The following TBC1D22A variants were observed in gnomAD, a reference collection of about 807,000 sequenced individuals.
TBC1D22A encodes the protein putative GTPase activator.
A neutral mutation model predicts 60.2 loss-of-function variants in TBC1D22A; 38 were observed. The ratio of observed to expected loss-of-function variants is 0.63; its 90% confidence interval spans 0.49 to 0.83. The LOEUF is 0.83. Ranked by LOEUF, TBC1D22A falls within the 40% of genes least tolerant of loss-of-function variation. The pLI is 0.00. For synonymous variants in TBC1D22A, 302 were observed against 281.7 expected (o/e 1.07, Z -0.72); for missense variants, 628 against 701.0 (o/e 0.90, Z 1.18).
intron 7 of TBC1D22A, among the ~76,000 whole-genome samples, chr22:46,907,148 G>A (rs575926020): frequency 5.3e-5 from 8 of 152,032 alleles, no homozygotes; most frequent in South Asian, 2.1e-4. Flanking sequence ...GTGTGTGTGC[G>A]TGTGTTCTTC....
chr22:47,087,758 C>T (rs528921231), intron 11 of TBC1D22A, among the ~76,000 whole-genome samples: 10 of 152,134 alleles, frequency 6.6e-5, no homozygotes, highest in Non-Finnish European at 1.0e-4. Context: ...AGAAGTAAAA[C>T]ACCCATAAGC....
chr22:46,832,514 C>T (rs1433368461), intron 4 of TBC1D22A, among the ~76,000 whole-genome samples: 1 of 151,842 alleles, frequency 6.6e-6, no homozygotes, highest in Non-Finnish European at 1.5e-5. Context: ...GGTGTGGTGG[C>T]GGGCACCTGT....
chr22:47,128,671 G>C (rs953639403), intron 12 of TBC1D22A, among the ~76,000 whole-genome samples: 1 of 152,098 alleles, frequency 6.6e-6, no homozygotes, highest in Admixed American at 6.6e-5. Flanking sequence ...CTCTGTGATG[G>C]ATACCACTTT....
At chr22:46,822,454 G>A (rs2147103133) in intron 4 of TBC1D22A, among the ~76,000 whole-genome samples, 1 of 152,184 alleles carries the variant, frequency 6.6e-6, no homozygotes, top group Admixed American at 6.5e-5. Context: ...TGATGTTGTT[G>A]TCGCTTTCTG....
chr22:46,920,482 T>G (rs2070687519), intron 8 of TBC1D22A, among the ~76,000 whole-genome samples: 1 of 152,220 alleles, frequency 6.6e-6, no homozygotes, highest in African/African-American at 2.4e-5. Context: ...AATTTCCATA[T>G]ATTCCCTAAA....
In TBC1D22A at chr22:46,779,371, T is replaced by G. The variant is rs545093835; in HGVS notation, c.63-13149T>G. ...GGTGCGTGGCTTGACTTCTCTGTGT[T>G]GGACAATTTCTTTCTTTCTTTTTTT... On this transcript the variant is annotated intron_variant, in intron 1 of 12. Coordinates refer to ENST00000337137, the MANE Select transcript of TBC1D22A (RefSeq NM_014346.5). Among the ~76,000 whole-genome samples the G allele has an allele frequency of 3.3e-5, 5 of 152,294 alleles. No homozygotes were observed. The East Asian group carries it at 9.6e-4, about 29-fold the overall frequency.
chr22:47,057,650 C>G (rs1038270839), intron 11 of TBC1D22A, among the ~76,000 whole-genome samples: 2 of 152,184 alleles, frequency 1.3e-5, no homozygotes, highest in African/African-American at 2.4e-5. Flanking sequence ...TCTTACATAG[C>G]GGCAGGCAAG....
intron 8 of TBC1D22A, among the ~76,000 whole-genome samples, chr22:46,953,797 C>T (rs530568550): frequency 3.3e-5 from 5 of 152,330 alleles, no homozygotes; most frequent in Admixed American, 2.6e-4. Context: ...CTAATATTAA[C>T]ATTGACTGAG....
At chr22:46,895,686 C>G (rs1363800262) in intron 7 of TBC1D22A, among the ~76,000 whole-genome samples, 5 of 152,256 alleles carry the variant, frequency 3.3e-5, no homozygotes, top group African/African-American at 1.2e-4. Flanking sequence ...TCATTGTTTT[C>G]TAAGATTCAG....
chr22:46,866,295 A>T (rs900252201), intron 4 of TBC1D22A, among the ~76,000 whole-genome samples: 1 of 151,996 alleles, frequency 6.6e-6, no homozygotes, highest in Non-Finnish European at 1.5e-5. Context: ...GTAGAGATGG[A>T]GTTTCACCAT....
chr22:47,107,971 A>G (rs1353201792), intron 11 of TBC1D22A, among the ~76,000 whole-genome samples: 2 of 152,226 alleles, frequency 1.3e-5, no homozygotes, highest in Non-Finnish European at 2.9e-5. Context: ...TTTTTTAGAT[A>G]AGACACCAAC....
At chr22:47,073,740 G>A (rs374942098) in intron 11 of TBC1D22A, among the ~76,000 whole-genome samples, 120 of 152,248 alleles carry the variant, frequency 7.9e-4, no homozygotes, top group Non-Finnish European at 1.4e-3. Context: ...AGAAGTCTGC[G>A]TGTCGTTAAT....
chr22:47,078,704 G>T lies in TBC1D22A; in HGVS notation c.1330-32804G>T, dbSNP rs117731886. Among the ~76,000 whole-genome samples, 47 of 152,332 alleles carry T rather than the reference G, an allele frequency of 3.1e-4. No homozygotes were observed. The East Asian group carries it at 8.9e-3, about 29-fold the overall frequency. On this transcript the variant is annotated intron_variant, in intron 11 of 12. Coordinates refer to ENST00000337137, the MANE Select transcript of TBC1D22A (RefSeq NM_014346.5). ...TGCACCCTTTTTTGCTGATCATCCA[G>T]TGTCTGCTGCACTACCTGTGGTGAC...
intron 5 of TBC1D22A, among the ~76,000 whole-genome samples, chr22:46,881,948 G>T (rs2067872977): frequency 6.6e-6 from 1 of 152,202 alleles, no homozygotes; most frequent in African/African-American, 2.4e-5. Context: ...CCATCCCTGA[G>T]TCAGCATGTG....
chr22:46,852,669 T>C (rs1165521240), intron 4 of TBC1D22A, among the ~76,000 whole-genome samples: 1 of 152,172 alleles, frequency 6.6e-6, no homozygotes, highest in Non-Finnish European at 1.5e-5. Context: ...TGACCATCAG[T>C]GCCCAGCCTT....
chr22:46,835,984 A>G (rs1051975031), intron 4 of TBC1D22A, among the ~76,000 whole-genome samples: 5 of 152,214 alleles, frequency 3.3e-5, no homozygotes, highest in Admixed American at 3.3e-4. Context: ...TACAATACCC[A>G]GCAAAGCTGT....
intron 8 of TBC1D22A, among the ~76,000 whole-genome samples, chr22:46,950,100 G>A (rs1462698427): frequency 6.6e-6 from 1 of 152,226 alleles, no homozygotes; most frequent in African/African-American, 2.4e-5. Flanking sequence ...AGACCAGTTA[G>A]GTCATTGTGC....
intron 11 of TBC1D22A, among the ~76,000 whole-genome samples, chr22:47,072,928 C>T (rs934981853): frequency 5.9e-5 from 9 of 152,248 alleles, no homozygotes; most frequent in Non-Finnish European, 8.8e-5. Context: ...ACCGGCCCCA[C>T]ACTCCTATAT....
At chr22:47,053,615 G>GCCAAGC (rs1303941943) in intron 11 of TBC1D22A, among the ~76,000 whole-genome samples, 3 of 152,354 alleles carry the variant, frequency 2.0e-5, no homozygotes, top group Admixed American at 2.0e-4. Flanking sequence ...GAGGAGGGAG[G>GCCAAGC]CCTCTGTGCA....
Sources: allele counts gnomAD v4.1 joint callset (sites outside exome capture counted in the v4.1 genomes callset), GRCh38; gene constraint gnomAD v4.1.1; transcripts MANE v1.5; gene names NCBI Gene and HGNC (gene_info 2026-07-23, HGNC 2026-07-21).